Variants in ESF1 observed in about 807,000 individuals in gnomAD.
ESF1 encodes ESF1 homolog.
ESF1 carries 58 observed loss-of-function variants against 92.0 expected under a neutral mutation model. The observed-to-expected ratio is 0.63, with a 90% CI of 0.51 to 0.78. The LOEUF (loss-of-function observed/expected upper bound fraction) is 0.78, where lower values mean the gene tolerates loss of function less well. Ranked by LOEUF, ESF1 falls within the 30% of genes least tolerant of loss-of-function variation. ESF1 has a pLI of 0.00. For missense variants in ESF1, 922 were observed against 989.1 expected (o/e 0.93, Z 0.91); for synonymous variants, 321 against 313.7 (o/e 1.02, Z -0.24).
intron 10 of ESF1, among the ~76,000 whole-genome samples, chr20:13,732,903 C>CTTATTTCT (rs2049952621): frequency 6.8e-6 from 1 of 147,330 alleles, no homozygotes; most frequent in Non-Finnish European, 1.5e-5. Context: ...AGGAAATACT[C>CTTATTTCT]TTATTTATTT....
At position 13,723,558 on chromosome 20, in the gene ESF1, AAAGAAAAAATTATAAAAGATAG is replaced by A. The variant is rs2049882065; in HGVS notation, c.2039-4596_2039-4575del. On this transcript the variant is annotated intron_variant, in intron 11 of 13. Coordinates refer to ENST00000617257, the MANE Select transcript of ESF1 (RefSeq NM_001276380.2). ...CAAGTTTGCAATTTAGAAGGAAATC[AAAGAAAAAATTATAAAAGATAG>A]AAGAAAAAATTATAAAAGATCTCTA... Among the ~76,000 whole-genome samples the A allele has an allele frequency of 4.5e-5, 6 of 132,844 alleles. No homozygotes were observed. In the South Asian group the frequency reaches 1.4e-3, roughly 32 times the overall value. The allele number at this position is 132,844 out of a possible 152,430, so 87.2% of individuals were successfully genotyped here. A position where few individuals can be genotyped will look rare whatever the true frequency, so the allele number is the denominator to read the frequency against.
At position 13,733,002 on chromosome 20, in the gene ESF1, C is replaced by G. The variant is rs185519507; in HGVS notation, c.1950+719G>C. On this transcript the variant is annotated intron_variant, in intron 10 of 13. Coordinates refer to ENST00000617257, the MANE Select transcript of ESF1 (RefSeq NM_001276380.2). ...AGTGCAGTGGCACGATCTTGACTCA[C>G]TGTACCTCTGCCTCCTGGGTTCAAG... Among the ~76,000 whole-genome samples the G allele has an allele frequency of 9.2e-5, 14 of 152,194 alleles. No individual in the cohort carries two copies. In the East Asian group the frequency reaches 2.7e-3, roughly 29 times the overall value.
chr20:13,775,424 C>T (rs151060076), intron 3 of ESF1, among the ~76,000 whole-genome samples, 154 bp from the exon 4 acceptor site: 16 of 152,276 alleles, frequency 1.1e-4, no homozygotes, highest in African/African-American at 1.7e-4. Context: ...TAAAAGAGAA[C>T]TTCAAATGAG....
chr20:13,731,509 G>A (rs944547459), intron 10 of ESF1, among the ~76,000 whole-genome samples: 11 of 147,580 alleles, frequency 7.5e-5, no homozygotes, highest in Admixed American at 1.4e-4. Flanking sequence ...TCCAGCCTGG[G>A]CGACAGAGCG....
At chr20:13,751,732 G>A (rs1334150224) in intron 9 of ESF1, among the ~76,000 whole-genome samples, 3 of 152,138 alleles carry the variant, frequency 2.0e-5, no homozygotes, top group African/African-American at 7.2e-5. Flanking sequence ...GGCTGGGCGT[G>A]GTGGCTCATG....
At position 13,776,230 on chromosome 20, in the gene ESF1, T is replaced by C. The variant is rs1979935861; in HGVS notation, c.678A>G (p.Glu226=). The change falls in exon 3 of 14, where the codon GAA becomes GAG. Residue 226 remains glutamate (E), a synonymous_variant. Transcript: ENST00000617257. ...LIMTRDSDGY[E]NSTDGEMCDK... ...CACACATTTCACCATCTGTTGAGTT[T>C]TCATAACCATCACTGTCTCTTGTCA... The C allele has an allele frequency of 6.2e-7, 1 of 1,613,498 alleles. No homozygotes were observed. Among genetic ancestry groups the C allele is most frequent in the South Asian group, 1.1e-5 (1 of 91,054 alleles).
chr20:13,749,642 T>G (rs186901622), intron 9 of ESF1, among the ~76,000 whole-genome samples: 4 of 152,236 alleles, frequency 2.6e-5, no homozygotes, highest in Admixed American at 2.6e-4. Flanking sequence ...CTCGGCTCAC[T>G]GCAACCTCCA....
chr20:13,744,944 G>C (rs2050038294), intron 9 of ESF1, among the ~76,000 whole-genome samples: 1 of 152,130 alleles, frequency 6.6e-6, no homozygotes, highest in South Asian at 2.1e-4. Context: ...AGACTGCAGA[G>C]CCCATTGAAG....
chr20:13,764,026 T>C (rs1286561323), intron 8 of ESF1, among the ~76,000 whole-genome samples: 6 of 152,212 alleles, frequency 3.9e-5, no homozygotes, highest in African/African-American at 1.4e-4. Flanking sequence ...AACTCAAAAG[T>C]TAAATGGCAT....
chr20:13,747,671 T>C lies in ESF1; in HGVS notation c.1828+12021A>G, dbSNP rs979990273. On this transcript the variant is annotated intron_variant, in intron 9 of 13. Coordinates refer to ENST00000617257, the MANE Select transcript of ESF1 (RefSeq NM_001276380.2). ...ATAATATTAACATTTAGGACTTCAA[T>C]AGTCACATGTCAGCTAATGATGGAA... 3.9e-5 allele frequency among the ~76,000 whole-genome samples: 6 copies of C among 151,904 alleles called. No individual in the cohort carries two copies. The South Asian group carries it at 1.3e-3, about 32-fold the overall frequency.
At chr20:13,723,326 C>T (rs1232359054) in intron 11 of ESF1, among the ~76,000 whole-genome samples, 1 of 151,972 alleles carries the variant, frequency 6.6e-6, no homozygotes, top group Admixed American at 6.6e-5. Context: ...GATAATCTCC[C>T]TCTAGGGTTA....
chr20:13,716,090 T>C (rs2049822831), intron 13 of ESF1, among the ~76,000 whole-genome samples: 1 of 152,292 alleles, frequency 6.6e-6, no homozygotes, highest in South Asian at 2.1e-4. Context: ...AATCCTTCTA[T>C]ATGCTACTTA....
At chr20:13,777,191 T>TG (rs1470878118) in intron 2 of ESF1, among the ~76,000 whole-genome samples, 1 of 152,150 alleles carries the variant, frequency 6.6e-6, no homozygotes, top group Admixed American at 6.6e-5. Flanking sequence ...AGCACTAAGT[T>TG]GGGTGGCAGT....
At position 13,782,875 on chromosome 20, in the gene ESF1, A is replaced by C. The variant is rs1367356667; in HGVS notation, c.266T>G (p.Leu89Trp). ...SNLSGEDSKA[L>W]SQKKIKKKKT... ...TTTCTTCTTTATTTTCTTTTGACTC[A>C]ATGCTTTGCTATCTTCACCAGAGAG... The change falls in exon 2 of 14, where the codon TTG becomes TGG. Residue 89 changes from leucine to tryptophan, a missense_variant. Leu to Trp is a moderately conservative substitution (Grantham distance 61). Coordinates refer to ENST00000617257, the MANE Select transcript of ESF1 (RefSeq NM_001276380.2). 2 of 1,612,016 alleles carry C rather than the reference A, an allele frequency of 1.2e-6. No homozygotes were observed. Among genetic ancestry groups the C allele is most frequent in the East Asian group, 4.5e-5 (2 of 44,854 alleles).
At chr20:13,758,403 T>C (rs6079165) in intron 9 of ESF1, among the ~76,000 whole-genome samples, 26,430 of 152,138 alleles carry the variant, frequency 0.17, 2,929 homozygotes, top group Non-Finnish European at 0.25. Context: ...TTAAAACAAA[T>C]GGGTTGCAAC....
At position 13,782,202 on chromosome 20, in the gene ESF1, CTT is replaced by C. The variant is rs374203199; in HGVS notation, c.637+300_637+301del. On this transcript the variant is annotated intron_variant, in intron 2 of 13. Coordinates refer to ENST00000617257, the MANE Select transcript of ESF1 (RefSeq NM_001276380.2). ...CTACTTACCCTCTTTAGACACATCT[CTT>C]CTTATCATGTGATGACATATAACAC... 5.8e-4 allele frequency among the ~76,000 whole-genome samples: 89 copies of C among 152,262 alleles called. 1 individual carries two copies. The East Asian group carries it at 0.01, about 18-fold the overall frequency.
intron 11 of ESF1, among the ~76,000 whole-genome samples, chr20:13,719,605 TATCTC>T (rs1220998027): frequency 1.4e-4 from 22 of 152,254 alleles, no homozygotes; most frequent in African/African-American, 4.8e-4. Context: ...ATTAAAGCCT[TATCTC>T]ATAATACATA....
intron 4 of ESF1, 72 bp downstream of exon 4, chr20:13,775,082 CAAA>C (rs67609153): frequency 0.022 from 15,636 of 717,100 alleles, 1 homozygote; most frequent in South Asian, 0.055. Flanking sequence ...AAACTATGGC[CAAA>C]AAAAAAAAAA....
Position 13,759,808 on chromosome 20 carries a change from CTTTTCTTTGT to C in ESF1, c.1702_1711del (p.Thr568ValfsTer59). ...AATTTGTTCTTCATCATCCTTCTGA[CTTTTCTTTGT>C]TTTCCCATCTTCTTCTACATTGACT... On this transcript the variant is annotated frameshift_variant, in exon 9 of 14. Coordinates refer to ENST00000617257, the MANE Select transcript of ESF1 (RefSeq NM_001276380.2). LOFTEE classifies it high-confidence loss of function. 6.3e-7 allele frequency: 1 copy of C among 1,599,660 alleles called. No individual in the cohort carries two copies. The highest frequency in any genetic ancestry group is 8.5e-7 in the Non-Finnish European group (1 of 1,176,270).
Sources: gnomAD v4.1 joint callset for allele counts (sites outside exome capture counted in the v4.1 genomes callset) on GRCh38, gnomAD v4.1.1 for gene constraint, MANE v1.5 for transcripts, NCBI Gene and HGNC (gene_info 2026-07-23, HGNC 2026-07-21) for gene names.